The following ASPG variants were observed in gnomAD, a reference collection of about 807,000 sequenced individuals.
The protein encoded by ASPG is 60 kDa lysophospholipase.
A neutral mutation model predicts 63.2 loss-of-function variants in ASPG; 53 were observed. The ratio of observed to expected loss-of-function variants is 0.84; its 90% CI spans 0.67 to 1.05. ASPG has a LOEUF of 1.05. ASPG is among the 50% of genes least tolerant of loss of function. The pLI is 0.00. For synonymous variants in ASPG, 370 were observed against 355.0 expected (o/e 1.04, Z -0.48); for missense variants, 741 against 794.4 (o/e 0.93, Z 0.81).
intron 6 of ASPG, among the ~76,000 whole-genome samples, chr14:104,099,443 G>C (rs1235647067): frequency 1.3e-5 from 2 of 152,176 alleles, no homozygotes; most frequent in African/African-American, 2.4e-5. Flanking sequence ...CTTCCCCCTG[G>C]GGGGGCCAAG....
chr14:104,111,188 T>C (rs962272309), intron 13 of ASPG: 3 of 984,548 alleles, frequency 3.0e-6, no homozygotes, highest in East Asian at 2.3e-4. Flanking sequence ...TGTGTGCATG[T>C]GTAGGTGTGT....
intron 12 of ASPG, 118 bp downstream of exon 12, chr14:104,107,463 T>C: frequency 1.9e-6 from 2 of 1,054,950 alleles, no homozygotes; most frequent in East Asian, 6.4e-5. Flanking sequence ...GACACCTGCT[T>C]CCTAAAGGCT....
At chr14:104,093,466 G>T (rs749055147) in intron 2 of ASPG, 25 bp from the exon 3 acceptor site, 2 of 1,580,382 alleles carry the variant, frequency 1.3e-6, no homozygotes, top group Non-Finnish European at 1.7e-6. Flanking sequence ...CTGCTGTTCC[G>T]CCTCCTGCTG....
intron 1 of ASPG, among the ~76,000 whole-genome samples, chr14:104,086,773 C>T (rs12885335): frequency 4.4e-4 from 67 of 152,168 alleles, no homozygotes; most frequent in African/African-American, 1.5e-3. Flanking sequence ...CTCAGGAGCC[C>T]TTTCCACTCC....
rs1193342472 is a variant in ASPG, at chr14:104,110,827, G to A, written c.1521-675G>A. 2.0e-6 allele frequency: 2 copies of A among 985,268 alleles called. No individual in the cohort carries two copies. Among genetic ancestry groups the A allele is most frequent in the East Asian group, 1.1e-4 (1 of 8,818 alleles). The allele number at this position is 985,268 out of a possible 1,614,324, so 61.0% of individuals were successfully genotyped here. On this transcript the variant is annotated intron_variant, in intron 13 of 15. Coordinates refer to ENST00000551177, the MANE Select transcript of ASPG (RefSeq NM_001080464.3). This position sits in a 1 kb window ranked among gnomAD's most constrained non-coding sequence, Gnocchi z 4.7. Reference sequence around the variant, plus strand: ...ACCTGGCCTGCTCCTGGCCTCCCCAGGTGGCGAGTGAGTTCTTCCCAGGAG... The same window carrying A: ...ACCTGGCCTGCTCCTGGCCTCCCCAAGTGGCGAGTGAGTTCTTCCCAGGAG...
At position 104,109,175 on chromosome 14, in the gene ASPG, G is replaced by A; in HGVS notation, c.1434-54G>A. 1 of 1,596,744 alleles carries A rather than the reference G, an allele frequency of 6.3e-7. No homozygotes were observed. Among genetic ancestry groups the A allele is most frequent in the Admixed American group, 1.7e-5 (1 of 57,376 alleles). ...AGCTCTGCTGGCTCCTGAGTGAGGT[G>A]CAGCGGGGCTGGGCTGGCCAGGGCA... On this transcript the variant is annotated intron_variant, in intron 12 of 15. Coordinates refer to ENST00000551177, the MANE Select transcript of ASPG (RefSeq NM_001080464.3). The surrounding 1 kb of genome is among the most constrained non-coding windows in gnomAD (Gnocchi z 4.8).
In ASPG at chr14:104,097,610, C is replaced by T. The variant is rs1296380000; in HGVS notation, c.486C>T (p.Leu162=). Residue 162 remains leucine, a synonymous_variant, in exon 5 of 16, where the codon CTC becomes CTT. Coordinates refer to ENST00000551177, the MANE Select transcript of ASPG (RefSeq NM_001080464.3). ...GTGAGAACCTGCTGGGGGCACTGCT[C>T]ATGGCTGGCCAGTATGTGATCCCAG... The part of the protein sequence containing the change: ...DGRENLLGAL[L]MAGQYVIPEV... 10 of 1,564,550 alleles carry T rather than the reference C, an allele frequency of 6.4e-6. No homozygotes were observed. The highest frequency in any genetic ancestry group is 1.2e-5 in the South Asian group (1 of 84,778).
At chr14:104,085,965 G>A in intron 1 of ASPG, 113 bp downstream of exon 1, 1 of 1,004,692 alleles carries the variant, frequency 1.0e-6, no homozygotes, top group Non-Finnish European at 1.4e-6. Context: ...GCCTGGATGG[G>A]GGGTGCGGGC....
chr14:104,105,943 A>G (rs1353776797), intron 10 of ASPG, among the ~76,000 whole-genome samples: 1 of 152,184 alleles, frequency 6.6e-6, no homozygotes, highest in Non-Finnish European at 1.5e-5. Context: ...ACCCCGCAAC[A>G]TGCCCCCTTG....
rs113330451 is a variant in ASPG, at chr14:104,111,194, T to C, written c.1521-308T>C. 5.1e-4 allele frequency: 506 copies of C among 983,090 alleles called. 1 individual carries two copies. The African/African-American group carries it at 8.0e-3, about 15-fold the overall frequency. The allele number at this position is 983,090 out of a possible 1,614,324, so 60.9% of individuals were successfully genotyped here. ...GCTCGTGTGTGTGTGCATGTGTAGG[T>C]GTGTGCTTGTGTGCTCCTGTGTGTG... is the stretch of plus-strand genomic sequence containing the variant. On this transcript the variant is annotated intron_variant, in intron 13 of 15. Transcript: ENST00000551177.
chr14:104,088,454 G>A (rs1450239347), intron 1 of ASPG, among the ~76,000 whole-genome samples: 3 of 152,190 alleles, frequency 2.0e-5, no homozygotes, highest in African/African-American at 7.2e-5. Context: ...GGCATCAGTG[G>A]CCACGTTCTG....
At chr14:104,093,466 G>C in intron 2 of ASPG, 25 bp from the exon 3 acceptor site, 3 of 1,580,382 alleles carry the variant, frequency 1.9e-6, no homozygotes, top group Non-Finnish European at 2.6e-6. Context: ...CTGCTGTTCC[G>C]CCTCCTGCTG....
chr14:104,097,345 G>C (rs35432379), intron 4 of ASPG, among the ~76,000 whole-genome samples: 64,653 of 152,006 alleles, frequency 0.43, 16,444 homozygotes, highest in Non-Finnish European at 0.55. Flanking sequence ...TTGGAGACAG[G>C]CTTACTGCCC....
At position 104,098,906 on chromosome 14, in the gene ASPG, A is replaced by G. The variant is rs1217385021; in HGVS notation, c.567A>G (p.Val189=). The change falls in exon 6 of 16, where the codon GTA becomes GTG. Residue 189 remains valine, a synonymous_variant. Coordinates refer to ENST00000551177, the MANE Select transcript of ASPG (RefSeq NM_001080464.3). ...TTCGGGGCAACCGGGCAACCAAGGTAGACGCTCGGAGGTTCGCAGCTTTCT... is the reference window on the plus strand; with the variant it reads ...TTCGGGGCAACCGGGCAACCAAGGTGGACGCTCGGAGGTTCGCAGCTTTCT... The part of the protein sequence containing the change: ...QLFRGNRATK[V]DARRFAAFCS... The G allele has an allele frequency of 1.2e-6, 2 of 1,611,852 alleles. No individual in the cohort carries two copies. Among genetic ancestry groups the G allele is most frequent in the Non-Finnish European group, 1.7e-6 (2 of 1,179,430 alleles).
intron 15 of ASPG, 98 bp downstream of exon 15, chr14:104,112,098 C>G: frequency 8.4e-7 from 1 of 1,191,022 alleles, no homozygotes; most frequent in Non-Finnish European, 1.2e-6. Context: ...GGAACAGAAC[C>G]GGAGGAGGCT....
In ASPG at chr14:104,091,635, G is replaced by A. The variant is rs1377562012; in HGVS notation, c.83-998G>A. 1.3e-5 allele frequency among the ~76,000 whole-genome samples: 2 copies of A among 152,164 alleles called. No homozygotes were observed. The highest frequency in any genetic ancestry group is 2.4e-5 in the African/African-American group (1 of 41,432). ...CAGGGTGAGCCCAGCAGTGGAGGGC[G>A]ATGTCAGGGAGGGGTGCGGCTGGAG... is the stretch of plus-strand genomic sequence containing the variant. On this transcript the variant is annotated intron_variant, in intron 1 of 15. Transcript: ENST00000551177. The surrounding 1 kb of genome is among the most constrained non-coding windows in gnomAD (Gnocchi z 6.4).
intron 1 of ASPG, among the ~76,000 whole-genome samples, chr14:104,089,653 A>G (rs938348877): frequency 1.3e-4 from 20 of 152,168 alleles, no homozygotes; most frequent in Non-Finnish European, 2.8e-4. Context: ...AGAAAACTTT[A>G]CTGGCGACAG....
At chr14:104,107,384 G>A in intron 12 of ASPG, 39 bp downstream of exon 12, 1 of 1,400,010 alleles carries the variant, frequency 7.1e-7, no homozygotes. Context: ...CCTTGGACAG[G>A]TGGGCGCAGA....
chr14:104,087,595 C>CCTGCCAGAG (rs1018642056), intron 1 of ASPG, among the ~76,000 whole-genome samples: 4 of 152,202 alleles, frequency 2.6e-5, no homozygotes, highest in African/African-American at 9.6e-5. Flanking sequence ...AGGGCCGGAG[C>CCTGCCAGAG]CTGCCAGAGC....
Sources: allele counts gnomAD v4.1 joint callset (sites outside exome capture counted in the v4.1 genomes callset), GRCh38; gene constraint gnomAD v4.1.1; non-coding constraint Gnocchi (gnomAD v3.1); transcripts MANE v1.5; gene names NCBI Gene and HGNC (gene_info 2026-07-23, HGNC 2026-07-21).